PLEKHM1: variants seen among roughly 807,000 people sequenced by gnomAD.
The protein encoded by PLEKHM1 is pleckstrin homology domain-containing family M member 1.
PLEKHM1 carries 28 observed loss-of-function variants against 94.3 expected under a neutral mutation model. The ratio of observed to expected loss-of-function variants is 0.30; its 90% CI spans 0.22 to 0.41. The LOEUF is 0.41. Ranked by LOEUF, PLEKHM1 falls within the 10% of genes least tolerant of loss-of-function variation. PLEKHM1 has a pLI of 1.00. For synonymous variants in PLEKHM1, 424 were observed against 581.2 expected, an observed-to-expected ratio of 0.73 and a Z score of 3.89; for missense variants, 907 against 1,358.6, an observed-to-expected ratio of 0.67 and a Z score of 5.22.
chr17:45,451,972 C>T (rs2050786552), intron 7 of PLEKHM1, among the ~76,000 whole-genome samples: 4 of 152,232 alleles, frequency 2.6e-5, no homozygotes, highest in African/African-American at 9.7e-5. Context: ...CTCCCATCCT[C>T]GCGGGGCCAA....
chr17:45,443,839 G>C (rs2050521918), intron 9 of PLEKHM1, among the ~76,000 whole-genome samples: 1 of 152,154 alleles, frequency 6.6e-6, no homozygotes, highest in Admixed American at 6.5e-5. Context: ...GTCAGCGCTT[G>C]CCAAGAGGTG....
At position 45,437,301 on chromosome 17, in the gene PLEKHM1, C is replaced by A. The variant is rs748656215; in HGVS notation, c.*557G>T. Reference sequence around the variant, plus strand: ...GAAAGGCACTGGGTGGGCCCATAGACCCTGTCCCAGCAGTGGCCTGCCCAC... The same window carrying A: ...GAAAGGCACTGGGTGGGCCCATAGAACCTGTCCCAGCAGTGGCCTGCCCAC... On this transcript the variant is annotated 3_prime_UTR_variant, in exon 12 of 12. Transcript: ENST00000430334. The surrounding 1 kb of genome is among the most constrained non-coding windows in gnomAD (Gnocchi z 4.0). 3.5e-5 allele frequency: 16 copies of A among 454,048 alleles called. No individual in the cohort carries two copies. The highest frequency in any genetic ancestry group is 2.6e-4 in the African/African-American group (13 of 50,018). The allele number at this position is 454,048 out of a possible 1,614,324, so 28.1% of individuals were successfully genotyped here.
chr17:45,477,536 T>A (rs4239141), intron 3 of PLEKHM1: 253,791 of 351,760 alleles, frequency 0.72, 92,979 homozygotes, highest in African/African-American at 0.84. Context: ...CCAGATAGTA[T>A]ATTCTTCAGG....
At chr17:45,451,423 G>A (rs2050771398) in intron 7 of PLEKHM1, among the ~76,000 whole-genome samples, 1 of 152,156 alleles carries the variant, frequency 6.6e-6, no homozygotes, top group African/African-American at 2.4e-5. Flanking sequence ...CAGAGGCCCT[G>A]ACTCAAACCC....
rs1419561312 is a variant in PLEKHM1, at chr17:45,478,163, C to T, written c.49-16G>A. 7 of 1,614,160 alleles carry T rather than the reference C, an allele frequency of 4.3e-6. No homozygotes were observed. In the South Asian group the frequency reaches 6.6e-5, roughly 15 times the overall value. ...TCTTGATGACCTAGGCAGCACCACACAGAACACAGGCCTTTAGCGGAAAAT... is the reference window on the plus strand; with the variant it reads ...TCTTGATGACCTAGGCAGCACCACATAGAACACAGGCCTTTAGCGGAAAAT... On this transcript the variant is annotated splice_polypyrimidine_tract_variant and intron_variant, in intron 2 of 11. Transcript: ENST00000430334.
rs1371688782 is a variant in PLEKHM1 at position 45,463,595 on chromosome 17, A to G, written c.1308+4614T>C. On this transcript the variant is annotated intron_variant, in intron 5 of 11. Transcript: ENST00000430334. ...TTTAGTACAGACGGGGTTTCACCATATTGGTCAGGCTGGTCTCAAACTCCC... is the reference window on the plus strand; with the variant it reads ...TTTAGTACAGACGGGGTTTCACCATGTTGGTCAGGCTGGTCTCAAACTCCC... Among the ~76,000 whole-genome samples, 3 of 152,146 alleles carry G rather than the reference A, an allele frequency of 2.0e-5. No individual in the cohort carries two copies. The East Asian group carries it at 5.8e-4, about 29-fold the overall frequency.
chr17:45,455,485 G>A (rs544179761), intron 6 of PLEKHM1, among the ~76,000 whole-genome samples: 103 of 151,990 alleles, frequency 6.8e-4, no homozygotes, highest in African/African-American at 2.2e-3. Flanking sequence ...ATATCCACCT[G>A]TGCCATACAT....
At chr17:45,464,720 A>G (rs560741018) in intron 5 of PLEKHM1, among the ~76,000 whole-genome samples, 3 of 152,300 alleles carry the variant, frequency 2.0e-5, no homozygotes, top group East Asian at 3.9e-4. Flanking sequence ...CCTTCCAGCA[A>G]TCAGAGTCCC....
intron 1 of PLEKHM1, among the ~76,000 whole-genome samples, chr17:45,490,278 C>T (rs1250719716): frequency 1.3e-5 from 2 of 151,484 alleles, no homozygotes; most frequent in East Asian, 3.9e-4. Flanking sequence ...ATCGGGATTA[C>T]CAGAGGGGTG....
Position 45,454,159 on chromosome 17 carries a change from A to C in PLEKHM1, c.1693T>G (p.Tyr565Asp). 1 of 1,614,050 alleles carries C rather than the reference A, an allele frequency of 6.2e-7. No homozygotes were observed. The highest frequency in any genetic ancestry group is 8.5e-7 in the Non-Finnish European group (1 of 1,180,018). ...CELSPLEFRL[Y>D]LSNEEHTCVE... ...CAGGTGTGCTCCTCGTTGCTCAGGT[A>C]GAGGCGGAACTCCAGCGGGGAGAGC... Residue 565 changes from tyrosine to aspartate, a missense_variant, in exon 7 of 12, where the codon TAC becomes GAC. This residue lies in a region of PLEKHM1 where 477 missense variants were observed against 601.5 expected (regional missense o/e 0.79). Transcript: ENST00000430334.
rs139102924 is a variant in PLEKHM1 at position 45,490,118 on chromosome 17, G to C, written c.-42+534C>G. Among the ~76,000 whole-genome samples, 1,512 of 152,188 alleles carry C rather than the reference G, an allele frequency of 9.9e-3. 33 individuals carry two copies. Among genetic ancestry groups the C allele is most frequent in the African/African-American group, 0.034 (1,427 of 41,512 alleles). On this transcript the variant is annotated intron_variant, in intron 1 of 11. Transcript: ENST00000430334. ...AGCTCAACAGGGCACCTACTTTGGGGGTGGGTCTTAGATGAGAGGGCGGAG... is the reference window on the plus strand; with the variant it reads ...AGCTCAACAGGGCACCTACTTTGGGCGTGGGTCTTAGATGAGAGGGCGGAG...
Position 45,445,734 on chromosome 17 carries a change from A to G in PLEKHM1, c.2644-71T>C. ...AGTGAGCACTGCCTGGCCAGGTGCC[A>G]CATGACCTGCTCACTTACCTGAGGG... On this transcript the variant is annotated intron_variant, in intron 8 of 11. Transcript: ENST00000430334. This position sits in a 1 kb window ranked among gnomAD's most constrained non-coding sequence, Gnocchi z 4.2. 1 of 1,166,172 alleles carries G rather than the reference A, an allele frequency of 8.6e-7. No homozygotes were observed. Among genetic ancestry groups the G allele is most frequent in the Admixed American group, 1.7e-5 (1 of 59,056 alleles). 72.2% of individuals were successfully genotyped at this position (1,166,172 alleles called of 1,614,324 possible). A position where few individuals can be genotyped will look rare whatever the true frequency, so the allele number is the denominator to read the frequency against.
intron 1 of PLEKHM1, among the ~76,000 whole-genome samples, chr17:45,489,109 T>A (rs1391551403): frequency 6.6e-6 from 1 of 152,146 alleles, no homozygotes. Context: ...TACTCTGAGA[T>A]AACATGGTTC....
Position 45,472,506 on chromosome 17 carries a change from A to C in PLEKHM1, c.923+2594T>G, listed in dbSNP as rs146073001. Among the ~76,000 whole-genome samples, 388 of 152,272 alleles carry C rather than the reference A, an allele frequency of 2.5e-3. 1 individual carries two copies. Among genetic ancestry groups the C allele is most frequent in the African/African-American group, 8.7e-3 (363 of 41,548 alleles). Reference sequence around the variant, plus strand: ...GGGATGGCTGGCTGGTCTGCAGAGGAGGCAGACACACAGGAAGGGCTAAGA... The same window carrying C: ...GGGATGGCTGGCTGGTCTGCAGAGGCGGCAGACACACAGGAAGGGCTAAGA... On this transcript the variant is annotated intron_variant, in intron 4 of 11. Coordinates refer to ENST00000430334, the MANE Select transcript of PLEKHM1 (RefSeq NM_014798.3).
chr17:45,482,100 C>T (rs1431712362), intron 2 of PLEKHM1, among the ~76,000 whole-genome samples: 1 of 151,328 alleles, frequency 6.6e-6, no homozygotes, highest in Non-Finnish European at 1.5e-5. Context: ...ACTGAAACAA[C>T]AAACCAGTGC....
chr17:45,459,511 C>A (rs1597956349), intron 5 of PLEKHM1: 1 of 151,336 alleles, frequency 6.6e-6, no homozygotes, highest in East Asian at 1.9e-4. Flanking sequence ...CCACATTTGG[C>A]TTATCCACTC....
intron 4 of PLEKHM1, among the ~76,000 whole-genome samples, chr17:45,469,168 G>T (rs2051418656): frequency 6.6e-6 from 1 of 152,194 alleles, no homozygotes; most frequent in Non-Finnish European, 1.5e-5. Flanking sequence ...TGGAGACAGA[G>T]AAGCTTCACA....
At chr17:45,465,328 A>T (rs1289602146) in intron 5 of PLEKHM1, among the ~76,000 whole-genome samples, 1 of 151,978 alleles carries the variant, frequency 6.6e-6, no homozygotes, top group Non-Finnish European at 1.5e-5. Context: ...GTCACTGGGG[A>T]TGGTGCTTTT....
chr17:45,437,796 C>G lies in PLEKHM1; in HGVS notation c.*62G>C, dbSNP rs1283842066. The stretch of plus-strand genomic sequence containing the variant: ...TGAGTATCCTGGGCTGATGGCAAAC[C>G]CAGCCGGGATGGCTGAGCCACACTC... On this transcript the variant is annotated 3_prime_UTR_variant, in exon 12 of 12. Transcript: ENST00000430334. This position sits in a 1 kb window ranked among gnomAD's most constrained non-coding sequence, Gnocchi z 4.0. 6 of 1,334,738 alleles carry G rather than the reference C, an allele frequency of 4.5e-6. No homozygotes were observed. Among genetic ancestry groups the G allele is most frequent in the Non-Finnish European group, 6.5e-6 (6 of 925,958 alleles). 82.7% of individuals were successfully genotyped at this position (1,334,738 alleles called of 1,614,324 possible).
Sources: allele counts gnomAD v4.1 joint callset (sites outside exome capture counted in the v4.1 genomes callset), GRCh38; gene constraint gnomAD v4.1.1; regional missense constraint gnomAD v4.1.1; non-coding constraint Gnocchi (gnomAD v3.1); transcripts MANE v1.5; gene names NCBI Gene and HGNC (gene_info 2026-07-23, HGNC 2026-07-21).